The following SLCO6A1 variants were observed in gnomAD, a reference collection of about 807,000 sequenced individuals.
The protein encoded by SLCO6A1 is cancer/testis antigen 48.
Under a neutral mutation model 72.7 loss-of-function variants are expected in SLCO6A1, and 65 were observed. The ratio of observed to expected loss-of-function variants is 0.89; its 90% CI spans 0.73 to 1.10. SLCO6A1 has a LOEUF of 1.10. Ranked by LOEUF, SLCO6A1 falls within the 50% of genes least tolerant of loss-of-function variation. The pLI, the probability that SLCO6A1 is intolerant of heterozygous loss-of-function variation, is 0.00. For missense variants in SLCO6A1, 874 were observed against 872.6 expected (o/e 1.00, Z -0.02); for synonymous variants, 314 against 298.2 (o/e 1.05, Z -0.55).
intron 1 of SLCO6A1, among the ~76,000 whole-genome samples, chr5:102,485,568 T>C (rs1036273334): frequency 2.0e-5 from 3 of 152,220 alleles, no homozygotes; most frequent in Non-Finnish European, 4.4e-5. Flanking sequence ...ACCCTGACCA[T>C]GAAGGCTCAC....
At chr5:102,472,692 A>T (rs1751689238) in intron 4 of SLCO6A1, among the ~76,000 whole-genome samples, 1 of 152,074 alleles carries the variant, frequency 6.6e-6, no homozygotes, top group Non-Finnish European at 1.5e-5. Context: ...AAACAAAGAG[A>T]TGGTTTTTTA....
intron 8 of SLCO6A1, among the ~76,000 whole-genome samples, chr5:102,416,734 TA>T (rs202196080): frequency 0.042 from 6,392 of 152,178 alleles, 157 homozygotes; most frequent in Middle Eastern, 0.061. Context: ...TTTATGTAAA[TA>T]AAAAATATAT....
intron 9 of SLCO6A1, among the ~76,000 whole-genome samples, chr5:102,402,811 T>G (rs959577617): frequency 2.6e-5 from 4 of 152,110 alleles, no homozygotes; most frequent in African/African-American, 9.7e-5. Context: ...TTTCAATGAC[T>G]TTTTCCTCAT....
At chr5:102,465,466 A>G (rs943472295) in intron 4 of SLCO6A1, among the ~76,000 whole-genome samples, 8 of 152,052 alleles carry the variant, frequency 5.3e-5, no homozygotes, top group Admixed American at 4.6e-4. Context: ...TTATTTCCCC[A>G]CTACCCTATC....
At chr5:102,416,017 C>T (rs1418328514) in intron 8 of SLCO6A1, among the ~76,000 whole-genome samples, 2 of 152,060 alleles carry the variant, frequency 1.3e-5, no homozygotes, top group South Asian at 2.1e-4. Flanking sequence ...TATGATGTTA[C>T]CCTAGTCAGA....
chr5:102,492,745 C>G (rs970849373), intron 1 of SLCO6A1, among the ~76,000 whole-genome samples: 18 of 152,250 alleles, frequency 1.2e-4, no homozygotes, highest in African/African-American at 4.3e-4. Flanking sequence ...TTATATCCCG[C>G]TCCTGGCTCA....
At chr5:102,393,936 A>G (rs7712622) in intron 10 of SLCO6A1, among the ~76,000 whole-genome samples, 3 of 152,176 alleles carry the variant, frequency 2.0e-5, no homozygotes, top group African/African-American at 7.2e-5. Flanking sequence ...TTTCTCAAGA[A>G]GAAAAATTAT....
At chr5:102,479,757 G>A (rs1752092726) in intron 2 of SLCO6A1, among the ~76,000 whole-genome samples, 2 of 152,030 alleles carry the variant, frequency 1.3e-5, no homozygotes, top group Admixed American at 1.3e-4. Flanking sequence ...GCTTGATGTG[G>A]CTGCACAACC....
chr5:102,475,320 T>A (rs1261657189), intron 4 of SLCO6A1, among the ~76,000 whole-genome samples: 2 of 152,072 alleles, frequency 1.3e-5, no homozygotes, highest in East Asian at 3.9e-4. Context: ...AAATATTATT[T>A]AAAGTGAAAT....
chr5:102,464,206 ACTT>A (rs1343878373), intron 4 of SLCO6A1, among the ~76,000 whole-genome samples: 3 of 152,166 alleles, frequency 2.0e-5, no homozygotes, highest in Non-Finnish European at 4.4e-5. Context: ...AAAAAACAGA[ACTT>A]CTTACGCAAG....
chr5:102,465,852 G>T (rs1751283147), intron 4 of SLCO6A1, among the ~76,000 whole-genome samples: 1 of 151,988 alleles, frequency 6.6e-6, no homozygotes, highest in Non-Finnish European at 1.5e-5. Context: ...AGTTGAGGCA[G>T]TTATTCATTA....
chr5:102,405,800 C>T (rs1747638598), intron 9 of SLCO6A1, among the ~76,000 whole-genome samples: 3 of 151,848 alleles, frequency 2.0e-5, no homozygotes, highest in Non-Finnish European at 2.9e-5. Flanking sequence ...ATTTTAAGTA[C>T]AATTTTTTTA....
At position 102,438,585 on chromosome 5, in the gene SLCO6A1, T is replaced by C. The variant is rs763240318; in HGVS notation, c.1276+32A>G. 11 of 1,559,442 alleles carry C rather than the reference T, an allele frequency of 7.1e-6. No individual in the cohort carries two copies. The East Asian group carries it at 1.9e-4, about 26-fold the overall frequency. ...GTACATACAATAAGACAGTGCAAAATTTTTGAAATGACAATAAGAAGGTAA... is the reference window on the plus strand; with the variant it reads ...GTACATACAATAAGACAGTGCAAAACTTTTGAAATGACAATAAGAAGGTAA... On this transcript the variant is annotated intron_variant, in intron 7 of 13. Transcript: ENST00000506729.
At position 102,371,792 on chromosome 5, in the gene SLCO6A1, GTTA is replaced by G. The variant is rs1403714154; in HGVS notation, c.*344_*346del. The stretch of plus-strand genomic sequence containing the variant: ...AAGCATGTTCAAAGTGGCTTTGAAT[GTTA>G]TTATTTTACTTTATTTCCTAGTTGT... On this transcript the variant is annotated 3_prime_UTR_variant, in exon 14 of 14. Coordinates refer to ENST00000506729, the MANE Select transcript of SLCO6A1 (RefSeq NM_173488.5). 1 of 151,554 alleles carries G rather than the reference GTTA, an allele frequency of 6.6e-6. No homozygotes were observed. Among genetic ancestry groups the G allele is most frequent in the Admixed American group, 6.6e-5 (1 of 15,190 alleles). 9.4% of individuals were successfully genotyped at this position (151,554 alleles called of 1,614,324 possible). A position where few individuals can be genotyped will look rare whatever the true frequency, so the allele number is the denominator to read the frequency against.
At chr5:102,466,782 C>G (rs1751335534) in intron 4 of SLCO6A1, among the ~76,000 whole-genome samples, 1 of 152,022 alleles carries the variant, frequency 6.6e-6, no homozygotes, top group Non-Finnish European at 1.5e-5. Flanking sequence ...GATGTTGAGA[C>G]TTTTTTCATA....
At chr5:102,474,927 A>T (rs1363435264) in intron 4 of SLCO6A1, among the ~76,000 whole-genome samples, 1 of 152,040 alleles carries the variant, frequency 6.6e-6, no homozygotes, top group Non-Finnish European at 1.5e-5. Context: ...AGAAAAAACA[A>T]ACAAAACAGT....
intron 12 of SLCO6A1, among the ~76,000 whole-genome samples, chr5:102,384,661 T>C (rs1746307551): frequency 3.3e-5 from 5 of 152,162 alleles, no homozygotes; most frequent in Admixed American, 3.3e-4. Flanking sequence ...CACATTTACT[T>C]AACATATTAC....
chr5:102,376,873 C>CA (rs1745826332), intron 12 of SLCO6A1, among the ~76,000 whole-genome samples: 1 of 152,060 alleles, frequency 6.6e-6, no homozygotes, highest in Non-Finnish European at 1.5e-5. Context: ...AACATTTGTA[C>CA]AAAAATGTGA....
chr5:102,416,054 T>C (rs543485279), intron 8 of SLCO6A1, among the ~76,000 whole-genome samples: 192 of 152,178 alleles, frequency 1.3e-3, no homozygotes, highest in African/African-American at 4.4e-3. Context: ...AGTTAAAAGA[T>C]AACAGATGTT....
Sources: allele counts gnomAD v4.1 joint callset (sites outside exome capture counted in the v4.1 genomes callset), GRCh38; gene constraint gnomAD v4.1.1; transcripts MANE v1.5; gene names NCBI Gene and HGNC (gene_info 2026-07-23, HGNC 2026-07-21).